The following MYO9A variants were observed in gnomAD, a reference collection of about 807,000 sequenced individuals.
MYO9A encodes the protein myosin IXA.
In MYO9A, 103 loss-of-function variants were observed where a neutral mutation model predicts 293.3. The observed-to-expected ratio is 0.35, with a 90% CI of 0.30 to 0.41. The LOEUF is 0.41. Ranked by LOEUF, MYO9A falls within the 10% of genes least tolerant of loss-of-function variation. MYO9A has a pLI of 1.00. For missense variants in MYO9A, 2,685 were observed against 3,033.0 expected, an observed-to-expected ratio of 0.89 and a Z score of 2.69; for synonymous variants, 1,001 against 1,035.7, an observed-to-expected ratio of 0.97 and a Z score of 0.64.
At chr15:72,073,465 C>T (rs2150216064) in intron 1 of MYO9A, among the ~76,000 whole-genome samples, 1 of 152,272 alleles carries the variant, frequency 6.6e-6, no homozygotes, top group Middle Eastern at 3.4e-3. Flanking sequence ...AACTCTTATT[C>T]ACATCTCAAG....
intron 6 of MYO9A, among the ~76,000 whole-genome samples, chr15:72,018,583 A>T (rs904488675): frequency 6.6e-6 from 1 of 152,248 alleles, no homozygotes; most frequent in Non-Finnish European, 1.5e-5. Flanking sequence ...ATATACATGC[A>T]TTCATTATGT....
intron 1 of MYO9A, among the ~76,000 whole-genome samples, chr15:72,090,823 G>C (rs2079881169): frequency 2.0e-5 from 3 of 151,858 alleles, no homozygotes; most frequent in Admixed American, 6.6e-5. Context: ...CCATCACCTA[G>C]TTCATCATTG....
At chr15:71,957,396 CCCA>C (rs936900985) in intron 14 of MYO9A, among the ~76,000 whole-genome samples, 37 of 152,136 alleles carry the variant, frequency 2.4e-4, no homozygotes, top group African/African-American at 8.4e-4. Context: ...AGGTCCTTAC[CCCA>C]CCATTTCACT....
At chr15:71,899,596 C>T in intron 24 of MYO9A, 91 bp downstream of exon 24, 1 of 1,157,620 alleles carries the variant, frequency 8.6e-7, no homozygotes, top group Non-Finnish European at 1.2e-6. Context: ...ACAACCAATT[C>T]TAATACAAAT....
At chr15:71,900,653 T>C (rs1019161915) in intron 23 of MYO9A, among the ~76,000 whole-genome samples, 9 of 152,306 alleles carry the variant, frequency 5.9e-5, no homozygotes, top group South Asian at 2.1e-4. Context: ...TATATTCTTT[T>C]GTTACAATTT....
chr15:72,063,603 G>A (rs984762744), intron 1 of MYO9A, among the ~76,000 whole-genome samples: 10 of 152,116 alleles, frequency 6.6e-5, no homozygotes, highest in Non-Finnish European at 1.0e-4. Flanking sequence ...AATAGACAAT[G>A]AGATATTATC....
intron 36 of MYO9A, among the ~76,000 whole-genome samples, chr15:71,851,574 G>A (rs2055649797): frequency 6.6e-6 from 1 of 152,144 alleles, no homozygotes; most frequent in Admixed American, 6.5e-5. Context: ...CTATATCACA[G>A]TAATCCTTAA....
In MYO9A at chr15:71,897,769, T is replaced by C. The variant is rs368005061; in HGVS notation, c.4734A>G (p.Ser1578=). The C allele has an allele frequency of 1.2e-6, 2 of 1,614,090 alleles. No homozygotes were observed. The highest frequency in any genetic ancestry group is 1.7e-6 in the Non-Finnish European group (2 of 1,180,010). The change falls in exon 25 of 42, where the codon TCA becomes TCG. Residue 1578 remains serine, a synonymous_variant. Coordinates refer to ENST00000356056, the MANE Select transcript of MYO9A (RefSeq NM_006901.4). ...TTTGGGCAAGAGCTGCATCTTTTAA[T>C]GATAGGGACCCCAGTACATTAAGTT... The part of the protein sequence containing the change: ...KGELNVLGSL[S]LKDAALAQKD...
chr15:71,952,643 T>C (rs1401110091), intron 14 of MYO9A, among the ~76,000 whole-genome samples: 2 of 152,080 alleles, frequency 1.3e-5, no homozygotes, highest in East Asian at 3.8e-4. Context: ...TTTCCAGGCT[T>C]TAGGGTGGTG....
intron 19 of MYO9A, among the ~76,000 whole-genome samples, chr15:71,910,107 TATATAC>T: frequency 1.4e-5 from 2 of 141,836 alleles, no homozygotes; most frequent in African/African-American, 5.6e-5. Flanking sequence ...TATACGTATA[TATATAC>T]GTGTATATAT....
chr15:71,989,435 C>T (rs1022839176), intron 11 of MYO9A, among the ~76,000 whole-genome samples: 2 of 152,178 alleles, frequency 1.3e-5, no homozygotes, highest in African/African-American at 2.4e-5. Context: ...ACCAAATCCA[C>T]AGATGCGCAA....
chr15:71,990,682 G>A (rs191598836), intron 11 of MYO9A, among the ~76,000 whole-genome samples: 351 of 151,596 alleles, frequency 2.3e-3, no homozygotes, highest in African/African-American at 4.4e-3. Flanking sequence ...GCATGAACCC[G>A]CGAGGCGGAG....
chr15:72,060,145 T>C (rs2078839663), intron 1 of MYO9A, among the ~76,000 whole-genome samples: 2 of 152,176 alleles, frequency 1.3e-5, no homozygotes, highest in South Asian at 2.1e-4. Context: ...TACTATAATA[T>C]GGATCATCTC....
intron 8 of MYO9A, among the ~76,000 whole-genome samples, chr15:72,007,276 TAAG>T (rs1417193568): frequency 6.6e-6 from 1 of 151,366 alleles, no homozygotes. Context: ...AGAAATTAGC[TAAG>T]AAAACATGAT....
At chr15:72,022,929 G>A (rs1346718904) in intron 4 of MYO9A, among the ~76,000 whole-genome samples, 1 of 152,112 alleles carries the variant, frequency 6.6e-6, no homozygotes, top group Non-Finnish European at 1.5e-5. Context: ...CCGATACAAA[G>A]TAGAAAAAGT....
chr15:71,908,178 C>T (rs1479923016), intron 19 of MYO9A, among the ~76,000 whole-genome samples: 1 of 152,130 alleles, frequency 6.6e-6, no homozygotes, highest in East Asian at 1.9e-4. Flanking sequence ...GACAGTTTTC[C>T]CAGCACCATT....
chr15:71,827,877 C>T lies in MYO9A; in HGVS notation c.7183+7G>A, dbSNP rs2054573470. On this transcript the variant is annotated splice_region_variant and intron_variant, in intron 41 of 41. Transcript: ENST00000356056. The stretch of plus-strand genomic sequence containing the variant: ...TCTGGAGTCTTTGGTCTACCATGTT[C>T]ACTTACCTGATTTCTCAGAGATAGC... 1 of 1,611,256 alleles carries T rather than the reference C, an allele frequency of 6.2e-7. No homozygotes were observed. The highest frequency in any genetic ancestry group is 8.5e-7 in the Non-Finnish European group (1 of 1,179,150).
chr15:72,015,862 T>C (rs550644712), intron 6 of MYO9A, among the ~76,000 whole-genome samples: 2 of 151,890 alleles, frequency 1.3e-5, no homozygotes, highest in Non-Finnish European at 2.9e-5. Context: ...TAATTTTTTG[T>C]ATTTTTTAGT....
intron 1 of MYO9A, among the ~76,000 whole-genome samples, chr15:72,079,443 TCAA>T (rs960630595): frequency 2.0e-5 from 3 of 152,288 alleles, no homozygotes; most frequent in Non-Finnish European, 4.4e-5. Flanking sequence ...AATGTAATAC[TCAA>T]CAGTCTCTTA....
Sources: allele counts gnomAD v4.1 joint callset (sites outside exome capture counted in the v4.1 genomes callset), GRCh38; gene constraint gnomAD v4.1.1; transcripts MANE v1.5; gene names NCBI Gene and HGNC (gene_info 2026-07-23, HGNC 2026-07-21).